The following TUSC3 variants were observed in gnomAD, a reference collection of about 807,000 sequenced individuals.
The protein encoded by TUSC3 is dolichyl-diphosphooligosaccharide--protein glycosyltransferase subunit TUSC3.
TUSC3 carries 45 observed loss-of-function variants against 44.8 expected under a neutral mutation model. That is an observed-to-expected ratio of 1.00 (90% confidence interval 0.79 to 1.29). TUSC3 has a LOEUF of 1.29. TUSC3 is among the 50% of genes most tolerant of loss of function. The probability of loss-of-function intolerance (pLI) is 0.00; values close to 1 mark genes in which losing one functional copy is unlikely to be tolerated. For missense variants in TUSC3, 519 were observed against 437.9 expected (o/e 1.19, Z -1.65); for synonymous variants, 212 against 152.9 (o/e 1.39, Z -2.85).
intron 1 of TUSC3, among the ~76,000 whole-genome samples, chr8:15,551,212 G>A (rs1802050664): frequency 1.3e-5 from 2 of 151,466 alleles, no homozygotes; most frequent in Admixed American, 1.3e-4. Flanking sequence ...GTGTTTTTCT[G>A]GCATATCTTT....
At chr8:15,599,294 G>A (rs944219899) in intron 1 of TUSC3, among the ~76,000 whole-genome samples, 1 of 151,756 alleles carries the variant, frequency 6.6e-6, no homozygotes, top group Non-Finnish European at 1.5e-5. Flanking sequence ...TCTTATTGAT[G>A]AGTTTTAAGA....
chr8:15,523,692 G>GTATATATA (rs1366898185), intron 2 of TUSC3, among the ~76,000 whole-genome samples: 56 of 48,384 alleles, frequency 1.2e-3, no homozygotes, highest in African/African-American at 4.0e-3. Context: ...GTGTGTGTGT[G>GTATATATA]TGTGTGTGTG....
chr8:15,475,320 G>T (rs1202435404), intron 1 of TUSC3, among the ~76,000 whole-genome samples: 1 of 152,036 alleles, frequency 6.6e-6, no homozygotes, highest in Non-Finnish European at 1.5e-5. Context: ...CCTGTCTCAG[G>T]GATAGTGTTA....
intron 6 of TUSC3, among the ~76,000 whole-genome samples, chr8:15,707,378 C>G (rs1809660400): frequency 6.6e-6 from 1 of 151,886 alleles, no homozygotes; most frequent in Non-Finnish European, 1.5e-5. Context: ...TGATTGAATA[C>G]AAGAGAAGAA....
chr8:15,820,930 T>C, the TUSC3 span, among the ~76,000 whole-genome samples: 1 of 152,160 alleles, frequency 6.6e-6, no homozygotes, highest in Non-Finnish European at 1.5e-5. Flanking sequence ...AAGTATAATA[T>C]AAAGAGGTAA....
At chr8:15,761,543 C>T (rs894393637) in intron 10 of TUSC3, among the ~76,000 whole-genome samples, 2 of 152,172 alleles carry the variant, frequency 1.3e-5, no homozygotes, top group Non-Finnish European at 2.9e-5. Context: ...TTACAGTTGA[C>T]CATGCATATA....
At chr8:15,757,982 G>A (rs995903196) in intron 10 of TUSC3, 127 bp downstream of exon 10, 17 of 1,482,532 alleles carry the variant, frequency 1.1e-5, no homozygotes, top group Non-Finnish European at 1.4e-5. Flanking sequence ...ACTTTTAACT[G>A]TGAGATTCCA....
intron 1 of TUSC3, among the ~76,000 whole-genome samples, chr8:15,571,931 T>TA (rs1802893851): frequency 6.6e-6 from 1 of 152,152 alleles, no homozygotes; most frequent in Non-Finnish European, 1.5e-5. Context: ...GCTTTAAACA[T>TA]AGGTGCTGTT....
chr8:15,832,287 A>G, the TUSC3 span, among the ~76,000 whole-genome samples: 1 of 152,202 alleles, frequency 6.6e-6, no homozygotes, highest in Non-Finnish European at 1.5e-5. Flanking sequence ...CACCTGAAGG[A>G]AACACTGAAT....
chr8:15,551,230 A>G (rs1176231821), intron 1 of TUSC3, among the ~76,000 whole-genome samples: 2 of 151,618 alleles, frequency 1.3e-5, no homozygotes, highest in Non-Finnish European at 2.9e-5. Flanking sequence ...TTTAATTTTT[A>G]TTAGGTTCTA....
the TUSC3 span, among the ~76,000 whole-genome samples, chr8:15,823,405 T>C: frequency 6.6e-6 from 1 of 152,208 alleles, no homozygotes; most frequent in Non-Finnish European, 1.5e-5. Context: ...ACTTCCATGA[T>C]TCTATGACTT....
intron 2 of TUSC3, among the ~76,000 whole-genome samples, chr8:15,494,443 G>C (rs1311728847): frequency 6.6e-6 from 1 of 151,790 alleles, no homozygotes; most frequent in South Asian, 2.1e-4. Context: ...TCAGCCTCCG[G>C]AGTAGCTGGG....
At chr8:15,521,264 C>T (rs1199042261) in intron 2 of TUSC3, among the ~76,000 whole-genome samples, 1 of 152,086 alleles carries the variant, frequency 6.6e-6, no homozygotes, top group Non-Finnish European at 1.5e-5. Flanking sequence ...GCTTGATCCT[C>T]GGCTGGGTAG....
intron 1 of TUSC3, among the ~76,000 whole-genome samples, chr8:15,475,206 A>G (rs937182927): frequency 6.7e-5 from 10 of 149,654 alleles, no homozygotes; most frequent in African/African-American, 2.4e-4. Context: ...AGAGGTATAT[A>G]TGGTTATTAA....
intron 1 of TUSC3, among the ~76,000 whole-genome samples, chr8:15,420,911 T>C (rs997330541): frequency 7.2e-5 from 11 of 152,178 alleles, no homozygotes; most frequent in African/African-American, 2.2e-4. Context: ...TTTAATCTTC[T>C]ACTCTTTAAC....
At chr8:15,576,358 G>C (rs1421538275) in intron 1 of TUSC3, among the ~76,000 whole-genome samples, 2 of 137,028 alleles carry the variant, frequency 1.5e-5, no homozygotes, top group Non-Finnish European at 3.1e-5. Flanking sequence ...TGTGCACATT[G>C]TGCAGGTTAG....
rs1272202365 is a variant in TUSC3 at position 15,645,709 on chromosome 8, CATG to C, written c.309-4982_309-4980del. On this transcript the variant is annotated intron_variant, in intron 2 of 10. Transcript: ENST00000503731. ...AATTGTCATTACTAATAGGATATCACATGATGATTTAGTCATTGTAACCTTTGA... is the reference window on the plus strand; with the variant it reads ...AATTGTCATTACTAATAGGATATCACATGATTTAGTCATTGTAACCTTTGA... Among the ~76,000 whole-genome samples the C allele has an allele frequency of 7.9e-5, 12 of 152,200 alleles. No homozygotes were observed. In the East Asian group the frequency reaches 2.3e-3, roughly 29 times the overall value.
At chr8:15,501,266 T>C (rs560220975) in intron 2 of TUSC3, among the ~76,000 whole-genome samples, 5 of 152,336 alleles carry the variant, frequency 3.3e-5, no homozygotes, top group Admixed American at 1.3e-4. Context: ...CATAATTTTA[T>C]CTATGAAAAC....
chr8:15,790,289 G>A, the TUSC3 span, among the ~76,000 whole-genome samples: 152 of 146,938 alleles, frequency 1.0e-3, no homozygotes, highest in East Asian at 0.019. Context: ...AGGTTCAAGC[G>A]ATTCTCCTGC....
Sources: allele counts gnomAD v4.1 joint callset (sites outside exome capture counted in the v4.1 genomes callset), GRCh38; gene constraint gnomAD v4.1.1; transcripts MANE v1.5; gene names NCBI Gene and HGNC (gene_info 2026-07-23, HGNC 2026-07-21).